Variants in PCED1B observed in about 807,000 individuals in gnomAD.
PCED1B encodes PC-esterase domain containing 1B, also known as PC-esterase domain-containing protein 1B.
For synonymous variants in PCED1B, 251 were observed against 246.1 expected, an observed-to-expected ratio of 1.02 and a Z score of -0.19; for missense variants, 573 against 573.9, an observed-to-expected ratio of 1.00 and a Z score of 0.02.
intron 2 of PCED1B, among the ~76,000 whole-genome samples, chr12:47,143,614 A>T (rs982276292): frequency 2.0e-5 from 3 of 152,230 alleles, no homozygotes; most frequent in Non-Finnish European, 4.4e-5. Context: ...TCCCATGGTC[A>T]TGGAATCAGA....
chr12:47,098,084 G>A (rs1050527762), intron 1 of PCED1B, among the ~76,000 whole-genome samples: 1 of 152,178 alleles, frequency 6.6e-6, no homozygotes, highest in Non-Finnish European at 1.5e-5. Context: ...CATTTATGCT[G>A]CCTCCCCAGC....
At chr12:47,163,524 T>G (rs1941454216) in intron 2 of PCED1B, among the ~76,000 whole-genome samples, 1 of 152,206 alleles carries the variant, frequency 6.6e-6, no homozygotes, top group Non-Finnish European at 1.5e-5. Context: ...CTTTCACCAT[T>G]TAGTTTTATG....
Position 47,236,584 on chromosome 12 carries a change from C to A in PCED1B, c.*222C>A. 2.0e-6 allele frequency: 1 copy of A among 493,122 alleles called. No homozygotes were observed. The allele number at this position is 493,122 out of a possible 1,614,324, so 30.5% of individuals were successfully genotyped here. A position where few individuals can be genotyped will look rare whatever the true frequency, so the allele number is the denominator to read the frequency against. On this transcript the variant is annotated 3_prime_UTR_variant, in exon 4 of 4. Transcript: ENST00000546455. ...TCCCCACTTCCTGGGAGTGACCCAGCGTTATTCCTGCCTCCTCACTCCTAT... is the reference window on the plus strand; with the variant it reads ...TCCCCACTTCCTGGGAGTGACCCAGAGTTATTCCTGCCTCCTCACTCCTAT...
intron 2 of PCED1B, among the ~76,000 whole-genome samples, chr12:47,152,101 C>G (rs956345094): frequency 6.6e-6 from 1 of 152,066 alleles, no homozygotes; most frequent in African/African-American, 2.4e-5. Context: ...TTGGTAAACA[C>G]TATAGTAATA....
intron 2 of PCED1B, among the ~76,000 whole-genome samples, chr12:47,168,374 A>G (rs1031609593): frequency 1.3e-5 from 2 of 152,046 alleles, no homozygotes; most frequent in Non-Finnish European, 2.9e-5. Flanking sequence ...ATTCTCTTAT[A>G]ATGTTTTCAG....
intron 2 of PCED1B, among the ~76,000 whole-genome samples, chr12:47,204,510 T>C (rs1043504119): frequency 2.6e-5 from 4 of 152,332 alleles, no homozygotes; most frequent in African/African-American, 9.6e-5. Context: ...AGTGAATCTA[T>C]ATACAAAGAA....
intron 2 of PCED1B, among the ~76,000 whole-genome samples, chr12:47,134,244 C>T (rs776169288): frequency 1.2e-4 from 19 of 152,166 alleles, no homozygotes; most frequent in East Asian, 1.9e-4. Flanking sequence ...AAGGCCTTTA[C>T]GAAATTAGTA....
At chr12:47,113,729 G>C (rs1939297534) in intron 2 of PCED1B, among the ~76,000 whole-genome samples, 1 of 151,950 alleles carries the variant, frequency 6.6e-6, no homozygotes, top group South Asian at 2.1e-4. Flanking sequence ...GAATTGCATG[G>C]CTGGGCACAG....
chr12:47,187,812 TG>T, intron 2 of PCED1B: 1 of 154,154 alleles, frequency 6.5e-6, no homozygotes, highest in Non-Finnish European at 1.5e-5. Context: ...AGGAAAGTTA[TG>T]CTTCTCCTGG....
chr12:47,156,604 C>T (rs1251600072), intron 2 of PCED1B, among the ~76,000 whole-genome samples: 4 of 151,946 alleles, frequency 2.6e-5, no homozygotes, highest in African/African-American at 9.7e-5. Flanking sequence ...CCCTTTAGAA[C>T]CTATTCTAGC....
chr12:47,182,523 G>A (rs954568067), intron 2 of PCED1B, among the ~76,000 whole-genome samples: 5 of 151,726 alleles, frequency 3.3e-5, no homozygotes, highest in Non-Finnish European at 7.4e-5. Context: ...TCTGGGAGGT[G>A]GAGATTGCAG....
chr12:47,079,813 C>CCGGGCGGCAG (rs1297743648), intron 1 of PCED1B, 88 bp downstream of exon 1: 4 of 149,476 alleles, frequency 2.7e-5, no homozygotes, highest in African/African-American at 7.3e-5. Flanking sequence ...GCGCAGGCAG[C>CCGGGCGGCAG]CGGGCGGCAG....
chr12:47,156,142 T>C (rs1039426218), intron 2 of PCED1B, among the ~76,000 whole-genome samples: 6 of 152,244 alleles, frequency 3.9e-5, no homozygotes, highest in East Asian at 1.9e-4. Flanking sequence ...ATTCAAAATA[T>C]ACTTTTTCTT....
At chr12:47,145,281 C>G (rs1464747188) in intron 2 of PCED1B, among the ~76,000 whole-genome samples, 1 of 152,098 alleles carries the variant, frequency 6.6e-6, no homozygotes, top group African/African-American at 2.4e-5. Flanking sequence ...TTGAAGCCAG[C>G]AGAGAGATTG....
intron 1 of PCED1B, among the ~76,000 whole-genome samples, chr12:47,085,251 C>G (rs138659918): frequency 1.3e-5 from 2 of 152,208 alleles, no homozygotes; most frequent in Non-Finnish European, 2.9e-5. Context: ...AAAAAATTCA[C>G]TTGATTTTCT....
At chr12:47,093,354 A>G (rs1938346381) in intron 1 of PCED1B, among the ~76,000 whole-genome samples, 1 of 150,112 alleles carries the variant, frequency 6.7e-6, no homozygotes. Context: ...TGTTGTTGCG[A>G]ATTTGTTTTG....
intron 1 of PCED1B, 193 bp downstream of exon 1, chr12:47,079,918 C>T (rs1941940903): frequency 6.6e-6 from 1 of 151,462 alleles, no homozygotes; most frequent in South Asian, 2.1e-4. Flanking sequence ...CGGTCCCACC[C>T]CTGCGCGTCC....
intron 2 of PCED1B, among the ~76,000 whole-genome samples, chr12:47,161,035 G>A (rs1941360990): frequency 6.6e-6 from 1 of 152,152 alleles, no homozygotes; most frequent in Non-Finnish European, 1.5e-5. Context: ...CCTTCCACCA[G>A]GTTGCATTGC....
At chr12:47,188,507 T>C (rs1241332109) in intron 2 of PCED1B, among the ~76,000 whole-genome samples, 1 of 152,240 alleles carries the variant, frequency 6.6e-6, no homozygotes, top group Non-Finnish European at 1.5e-5. Context: ...TGTGTAACTT[T>C]TGCTTTCCTT....
Sources: gnomAD v4.1 joint callset for allele counts (sites outside exome capture counted in the v4.1 genomes callset) on GRCh38, gnomAD v4.1.1 for gene constraint, MANE v1.5 for transcripts, NCBI Gene and HGNC (gene_info 2026-07-23, HGNC 2026-07-21) for gene names.